SNAP29: variants seen among roughly 807,000 people sequenced by gnomAD.
The protein encoded by SNAP29 is synaptosomal-associated protein 29.
A neutral mutation model predicts 27.9 loss-of-function variants in SNAP29; 13 were observed. That is an observed-to-expected ratio of 0.47 (90% CI 0.30 to 0.74). The LOEUF (loss-of-function observed/expected upper bound fraction) is 0.74. SNAP29 is among the 30% of genes least tolerant of loss of function. The probability of loss-of-function intolerance (pLI) is 0.06; values close to 1 mark genes in which losing one functional copy is unlikely to be tolerated. For synonymous variants in SNAP29, 119 were observed against 127.1 expected, an observed-to-expected ratio of 0.94 and a Z score of 0.43; for missense variants, 368 against 336.5, an observed-to-expected ratio of 1.09 and a Z score of -0.73.
intron 1 of SNAP29, among the ~76,000 whole-genome samples, chr22:20,864,360 C>T (rs1187658946): frequency 6.6e-6 from 1 of 152,192 alleles, no homozygotes; most frequent in Non-Finnish European, 1.5e-5. Flanking sequence ...TGTGTCTTTC[C>T]AGCACACAAC....
chr22:20,883,622 T>G, intron 4 of SNAP29, 53 bp downstream of exon 4: 1 of 1,181,024 alleles, frequency 8.5e-7, no homozygotes. Context: ...TCAGGCAGCT[T>G]ACGCCAAGCA....
In SNAP29 at chr22:20,889,269, C is replaced by T. The variant is rs1233386542; in HGVS notation, c.*1433C>T. 1 of 152,204 alleles carries T rather than the reference C, an allele frequency of 6.6e-6. No homozygotes were observed. Among genetic ancestry groups the T allele is most frequent in the African/African-American group, 2.4e-5 (1 of 41,456 alleles). The allele number at this position is 152,204 out of a possible 1,614,324, so 9.4% of individuals were successfully genotyped here. On this transcript the variant is annotated 3_prime_UTR_variant, in exon 5 of 5. Transcript: ENST00000215730. ...TGTCTCAAAGCAAAGGAAACCTCCA[C>T]AAGTGCTGCAACAGTGCATTAGTTT... is the stretch of plus-strand genomic sequence containing the variant.
intron 1 of SNAP29, among the ~76,000 whole-genome samples, chr22:20,865,945 C>T (rs1928448248): frequency 6.6e-6 from 1 of 152,216 alleles, no homozygotes; most frequent in African/African-American, 2.4e-5. Flanking sequence ...TCTCCAACCC[C>T]ACCAGAGGTC....
Position 20,859,261 on chromosome 22 carries a change from C to T in SNAP29, c.151C>T (p.Arg51Cys). 1 of 1,606,696 alleles carries T rather than the reference C, an allele frequency of 6.2e-7. No individual in the cohort carries two copies. The highest frequency in any genetic ancestry group is 1.1e-5 in the South Asian group (1 of 90,228). The change falls in exon 1 of 5, where the codon CGC (arginine) becomes TGC (cysteine). Residue 51 changes from arginine (R) to cysteine (C), a missense_variant. By Grantham distance (180) the Arg-to-Cys change is radical (BLOSUM62 -3). Transcript: ENST00000215730. The part of the protein sequence containing the change: ...RQQYLRQEVL[R>C]RAEATAASTS... ...GCAGTACTTGCGGCAGGAGGTCCTC[C>T]GCAGGGCTGAGGCCACGGCCGCCAG...
intron 4 of SNAP29, among the ~76,000 whole-genome samples, chr22:20,884,740 G>A (rs1928973282): frequency 6.6e-6 from 1 of 151,912 alleles, no homozygotes; most frequent in Non-Finnish European, 1.5e-5. Flanking sequence ...TGTATCTGGG[G>A]CCCAGCAGGC....
intron 2 of SNAP29, among the ~76,000 whole-genome samples, chr22:20,873,787 G>T (rs893225086): frequency 6.6e-6 from 1 of 150,814 alleles, no homozygotes; most frequent in African/African-American, 2.4e-5. Flanking sequence ...AGCCAACATG[G>T]TGAAACCCAG....
rs1470232626 is a variant in SNAP29, at chr22:20,887,802, TAAA to T, written c.746_748del (p.Lys249del). On this transcript the variant is annotated inframe_deletion, in exon 5 of 5. Transcript: ENST00000215730. Reference sequence around the variant, plus strand: ...AAAGTGGACAAGTTAGATGTCAACATAAAAAGCACAGAAAGAAAAGTTCGACAA... The same window carrying T: ...AAAGTGGACAAGTTAGATGTCAACATAAGCACAGAAAGAAAAGTTCGACAA... 1 of 1,614,162 alleles carries T rather than the reference TAAA, an allele frequency of 6.2e-7. No homozygotes were observed. The highest frequency in any genetic ancestry group is 1.7e-5 in the Admixed American group (1 of 60,018).
intron 1 of SNAP29, among the ~76,000 whole-genome samples, chr22:20,865,783 A>G (rs938909414): frequency 3.9e-5 from 6 of 152,236 alleles, no homozygotes; most frequent in African/African-American, 1.2e-4. Context: ...ACAAGCTTCC[A>G]GTTGTCCTCT....
Position 20,865,206 on chromosome 22 carries a change from T to C in SNAP29, c.238-5131T>C, listed in dbSNP as rs371318314. Among the ~76,000 whole-genome samples, 220 of 152,024 alleles carry C rather than the reference T, an allele frequency of 1.4e-3. 1 individual carries two copies. The highest frequency in any genetic ancestry group is 5.6e-3 in the South Asian group (27 of 4,806). ...CCTGGCTCTACAAAAAATACAAAAATTACCTGGGCATGGCGGTGCATGCCT... is the reference window on the plus strand; with the variant it reads ...CCTGGCTCTACAAAAAATACAAAAACTACCTGGGCATGGCGGTGCATGCCT... On this transcript the variant is annotated intron_variant, in intron 1 of 4. Coordinates refer to ENST00000215730, the MANE Select transcript of SNAP29 (RefSeq NM_004782.4).
chr22:20,867,205 A>G (rs1007739432), intron 1 of SNAP29, among the ~76,000 whole-genome samples: 3 of 152,164 alleles, frequency 2.0e-5, no homozygotes, highest in African/African-American at 7.2e-5. Flanking sequence ...TGAAACAAGG[A>G]AGCACTTTGC....
rs1463778461 is a variant in SNAP29, at chr22:20,870,644, AAG to A, written c.434+112_434+113del. 5 of 963,016 alleles carry A rather than the reference AAG, an allele frequency of 5.2e-6. No individual in the cohort carries two copies. The African/African-American group carries it at 6.5e-5, about 12-fold the overall frequency. 59.7% of individuals were successfully genotyped at this position (963,016 alleles called of 1,614,324 possible). On this transcript the variant is annotated intron_variant, in intron 2 of 4. Coordinates refer to ENST00000215730, the MANE Select transcript of SNAP29 (RefSeq NM_004782.4). ...CCATGAAGGGATCCAACAACCCTTT[AAG>A]TTACTCATCAGGGGATATTTGTCCT...
chr22:20,864,340 C>T (rs1218757218), intron 1 of SNAP29, among the ~76,000 whole-genome samples: 2 of 152,216 alleles, frequency 1.3e-5, no homozygotes, highest in African/African-American at 4.8e-5. Context: ...TGCAGGGGCC[C>T]ACCCATCTCT....
chr22:20,888,311 T>TCACACACACACA lies in SNAP29; in HGVS notation c.*509_*520dup, dbSNP rs575240461. The TCACACACACACA allele has an allele frequency of 2.2e-3, 392 of 174,580 alleles. 1 individual carries two copies. Among genetic ancestry groups the TCACACACACACA allele is most frequent in the African/African-American group, 0.011 (314 of 29,782 alleles). 10.8% of individuals were successfully genotyped at this position (174,580 alleles called of 1,614,324 possible). The stretch of plus-strand genomic sequence containing the variant: ...CACACCTTTGTTTAGGAGTCATCAT[T>TCACACACACACA]CACACACACACACACACACACACAC... On this transcript the variant is annotated 3_prime_UTR_variant, in exon 5 of 5. Transcript: ENST00000215730.
At chr22:20,875,877 G>A (rs994841309) in intron 2 of SNAP29, among the ~76,000 whole-genome samples, 1 of 152,020 alleles carries the variant, frequency 6.6e-6, no homozygotes, top group African/African-American at 2.4e-5. Context: ...AAATGGGGGG[G>A]CGGCTGGGTG....
chr22:20,870,706 A>C (rs893215451), intron 2 of SNAP29, 173 bp downstream of exon 2: 7 of 687,042 alleles, frequency 1.0e-5, no homozygotes, highest in East Asian at 2.7e-5. Flanking sequence ...TTCTTCCCTG[A>C]TCCCATGTTC....
At chr22:20,871,482 TA>T (rs58294079) in intron 2 of SNAP29, among the ~76,000 whole-genome samples, 213 of 64,156 alleles carry the variant, frequency 3.3e-3, no homozygotes, top group African/African-American at 6.0e-3. Context: ...TCCCTGTCTC[TA>T]AAAAAAAAAA....
chr22:20,863,440 T>G (rs953829851), intron 1 of SNAP29, among the ~76,000 whole-genome samples: 2 of 152,326 alleles, frequency 1.3e-5, no homozygotes, highest in African/African-American at 4.8e-5. Flanking sequence ...GAAAATGGCT[T>G]AGTTAAGTCA....
chr22:20,890,397 CA>C lies in SNAP29; in HGVS notation c.*2564del, dbSNP rs886057275. The stretch of plus-strand genomic sequence containing the variant: ...TTGATTTCCACAGTTGAGCTGGAAA[CA>C]AACTGTGCCTTCAAAAAATGACTTT... On this transcript the variant is annotated 3_prime_UTR_variant, in exon 5 of 5. Transcript: ENST00000215730. 2.5e-6 allele frequency: 1 copy of C among 398,446 alleles called. No homozygotes were observed. Among genetic ancestry groups the C allele is most frequent in the African/African-American group, 2.1e-5 (1 of 48,616 alleles). 24.7% of individuals were successfully genotyped at this position (398,446 alleles called of 1,614,324 possible).
chr22:20,859,032 CG>C lies in SNAP29; in HGVS notation c.-76del, dbSNP rs1425182584. 1 of 1,387,920 alleles carries C rather than the reference CG, an allele frequency of 7.2e-7. No individual in the cohort carries two copies. The highest frequency in any genetic ancestry group is 1.5e-5 in the African/African-American group (1 of 68,546). 86.0% of individuals were successfully genotyped at this position (1,387,920 alleles called of 1,614,324 possible). On this transcript the variant is annotated 5_prime_UTR_variant, in exon 1 of 5. Transcript: ENST00000215730. ...GTTCGCGCGACGACCGCGGGGTCGG[CG>C]GGCGGGGCGAGGCCCTGGACGGCGG...
Sources: gnomAD v4.1 joint callset for allele counts (sites outside exome capture counted in the v4.1 genomes callset) on GRCh38, gnomAD v4.1.1 for gene constraint, MANE v1.5 for transcripts, NCBI Gene and HGNC (gene_info 2026-07-23, HGNC 2026-07-21) for gene names.